The following NAALADL2 variants were observed in gnomAD, a reference collection of about 807,000 sequenced individuals.
NAALADL2 encodes inactive N-acetylated-alpha-linked acidic dipeptidase-like protein 2.
In NAALADL2, 76 loss-of-function variants were observed where a neutral mutation model predicts 87.2. The observed-to-expected ratio is 0.87, with a 90% CI of 0.72 to 1.05. The LOEUF (loss-of-function observed/expected upper bound fraction) is 1.05, where lower values mean the gene tolerates loss of function less well. NAALADL2 is among the 50% of genes least tolerant of loss of function. NAALADL2 has a pLI of 0.00. For missense variants in NAALADL2, 1,089 were observed against 945.8 expected (o/e 1.15, Z -1.99); for synonymous variants, 354 against 331.0 (o/e 1.07, Z -0.75).
In NAALADL2 at chr3:175,587,829, C is replaced by A. The variant is rs191617908; in HGVS notation, c.1800+11642C>A. Reference sequence around the variant, plus strand: ...TTGCATTTTTAAGCACAGTTCATAACCCACACAAATAGTTGCTCCTCACCC... The same window carrying A: ...TTGCATTTTTAAGCACAGTTCATAAACCACACAAATAGTTGCTCCTCACCC... On this transcript the variant is annotated intron_variant, in intron 10 of 13. Transcript: ENST00000454872. Among the ~76,000 whole-genome samples the A allele has an allele frequency of 4.6e-5, 7 of 152,218 alleles. No individual in the cohort carries two copies. The East Asian group carries it at 1.2e-3, about 25-fold the overall frequency.
intron 10 of NAALADL2, among the ~76,000 whole-genome samples, chr3:175,623,853 T>G (rs1279981552): frequency 6.6e-6 from 1 of 151,454 alleles, no homozygotes; most frequent in Non-Finnish European, 1.5e-5. Flanking sequence ...TGATGGTTTG[T>G]TTTTTGTTTC....
At chr3:174,666,826 A>G (rs114774559) in intron 2 of NAALADL2, among the ~76,000 whole-genome samples, 285 of 152,276 alleles carry the variant, frequency 1.9e-3, no homozygotes, top group African/African-American at 6.7e-3. Context: ...CCATTGAACA[A>G]CAACTTTCAT....
At chr3:175,505,263 C>T (rs984715008) in intron 9 of NAALADL2, among the ~76,000 whole-genome samples, 1 of 119,132 alleles carries the variant, frequency 8.4e-6, no homozygotes, top group Non-Finnish European at 1.6e-5. Flanking sequence ...GACCCTGTCT[C>T]GAGAAAAAAA....
rs79483202 is a variant in NAALADL2, at chr3:175,508,313, G to A, written c.1653+36555G>A. Among the ~76,000 whole-genome samples the A allele has an allele frequency of 2.5e-3, 382 of 152,196 alleles. 3 individuals carry two copies. Among genetic ancestry groups the A allele is most frequent in the African/African-American group, 8.6e-3 (356 of 41,506 alleles). On this transcript the variant is annotated intron_variant, in intron 9 of 13. Transcript: ENST00000454872. Reference sequence around the variant, plus strand: ...ATTCCAACTATATCACTCTACTTGGGTGATCTCATTAAATCCTATGGGTGT... The same window carrying A: ...ATTCCAACTATATCACTCTACTTGGATGATCTCATTAAATCCTATGGGTGT...
intron 1 of NAALADL2, 87 bp downstream of exon 1, chr3:174,859,537 A>G (rs1254675742): frequency 6.6e-6 from 7 of 1,068,354 alleles, no homozygotes; most frequent in African/African-American, 1.6e-5. Flanking sequence ...GTTTCTGTGT[A>G]TGCACACACG....
chr3:175,685,239 G>C (rs1277884571), intron 11 of NAALADL2, among the ~76,000 whole-genome samples: 1 of 152,082 alleles, frequency 6.6e-6, no homozygotes, highest in African/African-American at 2.4e-5. Context: ...CATCTATGCA[G>C]GTCTTAGCCA....
At chr3:174,877,061 A>G (rs994310655) in intron 1 of NAALADL2, among the ~76,000 whole-genome samples, 3 of 152,074 alleles carry the variant, frequency 2.0e-5, no homozygotes, top group African/African-American at 7.2e-5. Flanking sequence ...CAACCCCAAG[A>G]CTATTTAAAC....
chr3:174,822,091 A>G (rs1721485807), intron 3 of NAALADL2, among the ~76,000 whole-genome samples: 1 of 152,164 alleles, frequency 6.6e-6, no homozygotes, highest in South Asian at 2.1e-4. Context: ...AATAATGTAC[A>G]GGCTAGGTTG....
chr3:174,796,836 C>CT (rs1475060919), intron 3 of NAALADL2, among the ~76,000 whole-genome samples: 1 of 151,048 alleles, frequency 6.6e-6, no homozygotes, highest in Non-Finnish European at 1.5e-5. Flanking sequence ...GATTATTTGC[C>CT]TTTTTTGTTG....
intron 1 of NAALADL2, among the ~76,000 whole-genome samples, chr3:175,054,807 T>TA (rs1711772845): frequency 6.6e-6 from 1 of 152,160 alleles, no homozygotes; most frequent in Non-Finnish European, 1.5e-5. Flanking sequence ...TCATGCATCA[T>TA]ATGTTGACTT....
intron 1 of NAALADL2, among the ~76,000 whole-genome samples, chr3:175,048,737 G>A (rs1169597910): frequency 6.6e-6 from 1 of 151,962 alleles, no homozygotes; most frequent in Non-Finnish European, 1.5e-5. Context: ...ATACTCTTAG[G>A]TTTCAGAGCA....
At chr3:174,695,258 A>T (rs1441559845) in intron 2 of NAALADL2, among the ~76,000 whole-genome samples, 1 of 152,054 alleles carries the variant, frequency 6.6e-6, no homozygotes, top group African/African-American at 2.4e-5. Flanking sequence ...AATTTTATGT[A>T]ATGAGAACAT....
At chr3:174,941,936 G>A (rs75420605) in intron 1 of NAALADL2, among the ~76,000 whole-genome samples, 7 of 151,950 alleles carry the variant, frequency 4.6e-5, no homozygotes, top group African/African-American at 1.7e-4. Context: ...CATACCACTG[G>A]GGCTTGCTTT....
At chr3:175,629,694 G>A (rs939039815) in intron 11 of NAALADL2, among the ~76,000 whole-genome samples, 5 of 151,532 alleles carry the variant, frequency 3.3e-5, no homozygotes, top group African/African-American at 9.7e-5. Context: ...ACTAATTCTC[G>A]ATGCCTGAAG....
At chr3:175,307,621 T>C (rs1481878486) in intron 4 of NAALADL2, among the ~76,000 whole-genome samples, 1 of 152,190 alleles carries the variant, frequency 6.6e-6, no homozygotes, top group Non-Finnish European at 1.5e-5. Flanking sequence ...TTATTTTCTT[T>C]CTGAAATAAA....
intron 2 of NAALADL2, among the ~76,000 whole-genome samples, chr3:175,100,770 C>T (rs1289183491): frequency 1.4e-5 from 2 of 138,336 alleles, no homozygotes; most frequent in African/African-American, 2.7e-5. Flanking sequence ...ACTCGGGAGG[C>T]GGAGGTTTCA....
intron 13 of NAALADL2, among the ~76,000 whole-genome samples, chr3:175,764,430 C>G (rs1246941374): frequency 6.6e-6 from 1 of 151,266 alleles, no homozygotes; most frequent in Non-Finnish European, 1.5e-5. Context: ...GACATTGTGT[C>G]CTTATGGAAG....
At chr3:174,901,163 C>A (rs1168168382) in intron 1 of NAALADL2, among the ~76,000 whole-genome samples, 1 of 152,122 alleles carries the variant, frequency 6.6e-6, no homozygotes, top group African/African-American at 2.4e-5. Context: ...GATTCATTAA[C>A]ATATGTTTGA....
chr3:174,906,596 C>A (rs13321812), intron 1 of NAALADL2, among the ~76,000 whole-genome samples: 36 of 152,126 alleles, frequency 2.4e-4, no homozygotes, highest in African/African-American at 8.2e-4. Context: ...CAATAGCCTG[C>A]AAAGAACTGA....
Sources: gnomAD v4.1 joint callset for allele counts (sites outside exome capture counted in the v4.1 genomes callset) on GRCh38, gnomAD v4.1.1 for gene constraint, MANE v1.5 for transcripts, NCBI Gene and HGNC (gene_info 2026-07-23, HGNC 2026-07-21) for gene names.